The following TDRD7 variants were observed in gnomAD, a reference collection of about 807,000 sequenced individuals.
TDRD7 encodes tudor domain containing 7, also known as tudor domain-containing protein 7.
A neutral mutation model predicts 109.8 loss-of-function variants in TDRD7; 47 were observed. That is an observed-to-expected ratio of 0.43 (90% CI 0.34 to 0.55). TDRD7 has a LOEUF of 0.55. Among genes scored for constraint, TDRD7 ranks in the 20% least tolerant of loss-of-function variants. The pLI is 0.03. For missense variants in TDRD7, 1,164 were observed against 1,319.2 expected (o/e 0.88, Z 1.82); for synonymous variants, 424 against 457.3 (o/e 0.93, Z 0.93).
intron 12 of TDRD7, among the ~76,000 whole-genome samples, chr9:97,476,021 G>C (rs1218834649): frequency 6.6e-6 from 1 of 152,134 alleles, no homozygotes; most frequent in African/African-American, 2.4e-5. Flanking sequence ...TGGATATTTA[G>C]ATTGTTCCTA....
At chr9:97,435,109 A>C (rs896469595) in intron 4 of TDRD7, among the ~76,000 whole-genome samples, 3 of 152,136 alleles carry the variant, frequency 2.0e-5, no homozygotes, top group African/African-American at 7.2e-5. Flanking sequence ...ACTGGTGGGC[A>C]CGTGAATCTG....
Position 97,431,024 on chromosome 9 carries a change from A to G in TDRD7, c.299A>G (p.Gln100Arg). Residue 100 changes from glutamine (Q) to arginine (R), a missense_variant, in exon 3 of 17, where the codon CAA becomes CGA. Gln to Arg is a conservative substitution (Grantham distance 43). Transcript: ENST00000355295. The part of the protein sequence containing the change: ...QRSSKRKTGR[Q>R]VNCQMRVKKT... ...AGTTCTAAAAGGAAAACCGGGCGTC[A>G]AGTTAATTGTCAGATGAGAGTGAAG... 6.2e-7 allele frequency: 1 copy of G among 1,613,978 alleles called. No homozygotes were observed. Among genetic ancestry groups the G allele is most frequent in the Non-Finnish European group, 8.5e-7 (1 of 1,179,880 alleles).
Position 97,414,778 on chromosome 9 carries a change from GT to G in TDRD7, c.-7+2542del, listed in dbSNP as rs561351895. ...AATCATCTTTTTCCTTTAAAAACCGGTTGGTGAAGGAGTAATTGAAGTGGTA... is the reference window on the plus strand; with the variant it reads ...AATCATCTTTTTCCTTTAAAAACCGGTGGTGAAGGAGTAATTGAAGTGGTA... On this transcript the variant is annotated intron_variant, in intron 1 of 16. Coordinates refer to ENST00000355295, the MANE Select transcript of TDRD7 (RefSeq NM_014290.3). Among the ~76,000 whole-genome samples, 138 of 152,250 alleles carry G rather than the reference GT, an allele frequency of 9.1e-4. 1 individual carries two copies. Among genetic ancestry groups the G allele is most frequent in the Middle Eastern group, 3.4e-3 (1 of 294 alleles).
At chr9:97,462,786 A>G (rs867358679) in intron 7 of TDRD7, among the ~76,000 whole-genome samples, 1 of 152,168 alleles carries the variant, frequency 6.6e-6, no homozygotes, top group Non-Finnish European at 1.5e-5. Flanking sequence ...GCCTCATCCA[A>G]CACCGTCCAT....
intron 16 of TDRD7, among the ~76,000 whole-genome samples, chr9:97,490,301 T>A (rs1829280416): frequency 6.6e-6 from 1 of 152,186 alleles, no homozygotes; most frequent in Non-Finnish European, 1.5e-5. Context: ...GTATTTCTCC[T>A]TTACTTTTGA....
intron 6 of TDRD7, among the ~76,000 whole-genome samples, chr9:97,447,897 A>G (rs1245219618): frequency 6.6e-6 from 1 of 152,252 alleles, no homozygotes; most frequent in African/African-American, 2.4e-5. Context: ...CTAAAGGGAA[A>G]TGACTTGAAG....
chr9:97,479,964 A>T (rs1829087134), intron 13 of TDRD7, among the ~76,000 whole-genome samples: 1 of 152,110 alleles, frequency 6.6e-6, no homozygotes, highest in African/African-American at 2.4e-5. Flanking sequence ...GCCCCTGCAG[A>T]TATTCAAGTG....
At chr9:97,448,796 A>G (rs1828441818) in intron 6 of TDRD7, among the ~76,000 whole-genome samples, 1 of 152,228 alleles carries the variant, frequency 6.6e-6, no homozygotes, top group African/African-American at 2.4e-5. Context: ...AACAAAAATG[A>G]CTACTACCCT....
intron 16 of TDRD7, among the ~76,000 whole-genome samples, chr9:97,492,455 G>A (rs1408077105): frequency 6.6e-6 from 1 of 152,198 alleles, no homozygotes; most frequent in East Asian, 1.9e-4. Context: ...TCCATGAAAA[G>A]TGTGGTTTTT....
At chr9:97,461,346 A>G (rs749458371) in intron 7 of TDRD7, among the ~76,000 whole-genome samples, 2 of 152,250 alleles carry the variant, frequency 1.3e-5, no homozygotes, top group Non-Finnish European at 2.9e-5. Context: ...AGCAATACCT[A>G]GTTCGCAGAA....
chr9:97,479,806 A>G (rs1829084051), intron 13 of TDRD7, among the ~76,000 whole-genome samples: 1 of 152,188 alleles, frequency 6.6e-6, no homozygotes. Flanking sequence ...AATTTCACAC[A>G]AAAATTCCTA....
intron 15 of TDRD7, among the ~76,000 whole-genome samples, chr9:97,483,971 T>G (rs1218152800): frequency 1.3e-5 from 2 of 152,188 alleles, no homozygotes; most frequent in African/African-American, 4.8e-5. Flanking sequence ...CCATTCTATT[T>G]TGTTATGTAA....
At chr9:97,440,075 ATTTC>A (rs1828275372) in intron 5 of TDRD7, among the ~76,000 whole-genome samples, 1 of 152,116 alleles carries the variant, frequency 6.6e-6, no homozygotes, top group African/African-American at 2.4e-5. Context: ...CATCTCCAGT[ATTTC>A]TTAATGGAAA....
intron 6 of TDRD7, among the ~76,000 whole-genome samples, chr9:97,452,661 CA>C (rs1333962676): frequency 6.6e-6 from 1 of 152,132 alleles, no homozygotes; most frequent in Non-Finnish European, 1.5e-5. Context: ...ACTTATTGGT[CA>C]AAAATTCACT....
rs1015964536 is a variant in TDRD7, at chr9:97,412,582, G to A, written c.-7+344G>A. ...AAATGCAGCAGCGGGGTGTGGACGC[G>A]GGCGGGAGATGCGGACCAGGAAGTG... On this transcript the variant is annotated intron_variant, in intron 1 of 16. Coordinates refer to ENST00000355295, the MANE Select transcript of TDRD7 (RefSeq NM_014290.3). This position sits in a 1 kb window ranked among gnomAD's most constrained non-coding sequence, Gnocchi z 4.3. Among the ~76,000 whole-genome samples, 2 of 152,202 alleles carry A rather than the reference G, an allele frequency of 1.3e-5. No homozygotes were observed. The highest frequency in any genetic ancestry group is 4.8e-5 in the African/African-American group (2 of 41,454).
rs746282969 is a variant in TDRD7 at position 97,478,557 on chromosome 9, T to C, written c.2285T>C (p.Ile762Thr). The C allele has an allele frequency of 5.0e-6, 8 of 1,613,994 alleles. No individual in the cohort carries two copies. The South Asian group carries it at 5.5e-5, about 11-fold the overall frequency. The change falls in exon 13 of 17, where the codon ATT (isoleucine) becomes ACT (threonine). Residue 762 changes from isoleucine (I) to threonine (T), a missense_variant. Physicochemically the swap from Ile to Thr is moderately conservative, Grantham distance 89. Around this residue, in one of 5 missense-constraint regions of TDRD7, gnomAD observed 233 missense variants for 218.0 expected, o/e 1.07. Transcript: ENST00000355295. ...CCACCTCGGTTTCTACAAGAAATGA[T>C]TGCAATACCACCTCAGGTACTATGT... ...EIPPRFLQEMIAIPPQAIKCC... is the reference protein window; with the variant it reads ...EIPPRFLQEMTAIPPQAIKCC...
intron 12 of TDRD7, 120 bp from the exon 13 acceptor site, chr9:97,478,319 T>G: frequency 2.0e-6 from 2 of 1,021,814 alleles, no homozygotes; most frequent in Non-Finnish European, 2.9e-6. Context: ...GGGGAAAATT[T>G]TAACACTGAT....
intron 8 of TDRD7, among the ~76,000 whole-genome samples, chr9:97,468,517 A>G (rs1360136546): frequency 2.6e-5 from 4 of 152,202 alleles, no homozygotes; most frequent in Non-Finnish European, 4.4e-5. Flanking sequence ...TGTTCCCCAC[A>G]TCCCCTTGAA....
intron 4 of TDRD7, among the ~76,000 whole-genome samples, chr9:97,434,525 G>A (rs903173376): frequency 7.2e-5 from 11 of 152,136 alleles, no homozygotes. Flanking sequence ...GTGAAGTAAT[G>A]CATGTGTTAA....
Sources: allele counts gnomAD v4.1 joint callset (sites outside exome capture counted in the v4.1 genomes callset), GRCh38; gene constraint gnomAD v4.1.1; regional missense constraint gnomAD v4.1.1; non-coding constraint Gnocchi (gnomAD v3.1); transcripts MANE v1.5; gene names NCBI Gene and HGNC (gene_info 2026-07-23, HGNC 2026-07-21).